Variants in MYO16 observed in about 807,000 individuals in gnomAD.
The protein encoded by MYO16 is unconventional myosin-XVI.
MYO16 carries 94 observed loss-of-function variants against 205.3 expected under a neutral mutation model. The ratio of observed to expected loss-of-function variants is 0.46; its 90% confidence interval spans 0.39 to 0.54. MYO16 has a LOEUF of 0.54. MYO16 is among the 20% of genes least tolerant of loss of function. The probability of loss-of-function intolerance (pLI) is 0.00; values close to 1 mark genes in which losing one functional copy is unlikely to be tolerated. For synonymous variants in MYO16, 988 were observed against 954.0 expected (o/e 1.04, Z -0.66); for missense variants, 2,315 against 2,387.5 (o/e 0.97, Z 0.63).
chr13:108,801,393 C>T (rs1886964918), intron 6 of MYO16, among the ~76,000 whole-genome samples: 1 of 152,196 alleles, frequency 6.6e-6, no homozygotes, highest in South Asian at 2.1e-4. Flanking sequence ...CTCTGCATGG[C>T]AGCATGCCAC....
At chr13:109,155,072 A>T (rs1566538028) in intron 32 of MYO16, among the ~76,000 whole-genome samples, 1 of 152,152 alleles carries the variant, frequency 6.6e-6, no homozygotes, top group Non-Finnish European at 1.5e-5. Flanking sequence ...TTTTCTGTGC[A>T]TTTTTGGGTA....
chr13:108,869,752 A>AG, intron 12 of MYO16, among the ~76,000 whole-genome samples: 1 of 148,540 alleles, frequency 6.7e-6, no homozygotes, highest in Non-Finnish European at 1.5e-5. Context: ...AAAAAAAAAA[A>AG]AAAAAAAAGA....
chr13:109,055,847 G>T lies in MYO16; in HGVS notation c.3335+252G>T. On this transcript the variant is annotated intron_variant, in intron 27 of 34. Transcript: ENST00000457511. The surrounding 1 kb of genome is among the most constrained non-coding windows in gnomAD (Gnocchi z 5.0). The stretch of plus-strand genomic sequence containing the variant: ...CATTCTCATGTTCCTTTCAAAGTGT[G>T]GCTTTCCTTGGATTAAAGTTTTGTA... 1 of 336,320 alleles carries T rather than the reference G, an allele frequency of 3.0e-6. No homozygotes were observed. The highest frequency in any genetic ancestry group is 5.4e-6 in the Non-Finnish European group (1 of 184,770). The allele number at this position is 336,320 out of a possible 1,614,324, so 20.8% of individuals were successfully genotyped here.
In MYO16 at chr13:109,055,326, C is replaced by G. The variant is rs891551772; in HGVS notation, c.3130-64C>G. ...GACGTAAAGACTTTTTATTTAAAAA[C>G]TGCTTTATATTTTTAGCTAGTGTCT... On this transcript the variant is annotated intron_variant, in intron 26 of 34. Transcript: ENST00000457511. The surrounding 1 kb of genome is among the most constrained non-coding windows in gnomAD (Gnocchi z 5.0). 2.2e-6 allele frequency: 3 copies of G among 1,345,316 alleles called. No individual in the cohort carries two copies. Among genetic ancestry groups the G allele is most frequent in the Non-Finnish European group, 3.1e-6 (3 of 971,848 alleles). The allele number at this position is 1,345,316 out of a possible 1,614,324, so 83.3% of individuals were successfully genotyped here. A position where few individuals can be genotyped will look rare whatever the true frequency, so the allele number is the denominator to read the frequency against.
the MYO16 span, among the ~76,000 whole-genome samples, chr13:108,562,512 A>G: frequency 7.2e-5 from 11 of 152,302 alleles, 1 homozygote; most frequent in Middle Eastern, 0.01. Context: ...TAAGGATGGC[A>G]TATTTATATA....
intron 4 of MYO16, among the ~76,000 whole-genome samples, chr13:108,772,227 TGC>T (rs1193463854): frequency 6.6e-6 from 1 of 152,036 alleles, no homozygotes; most frequent in Non-Finnish European, 1.5e-5. Flanking sequence ...AGCATGGTGG[TGC>T]ACACCTGTGG....
chr13:108,649,440 C>A (rs7328053), intron 1 of MYO16, among the ~76,000 whole-genome samples: 27,695 of 151,994 alleles, frequency 0.18, 3,854 homozygotes, highest in African/African-American at 0.38. Flanking sequence ...ATATGAGGTG[C>A]TTCTCCAGGG....
chr13:108,796,181 G>C (rs1178509919), intron 6 of MYO16, among the ~76,000 whole-genome samples: 1 of 152,212 alleles, frequency 6.6e-6, no homozygotes, highest in Non-Finnish European at 1.5e-5. Context: ...GGGAAGTTCA[G>C]AAGAGAGGAG....
At chr13:109,117,356 A>G (rs1019669250) in intron 28 of MYO16, among the ~76,000 whole-genome samples, 2 of 134,236 alleles carry the variant, frequency 1.5e-5, no homozygotes, top group African/African-American at 6.6e-5. Context: ...ATGCAAATAT[A>G]TATAATATGC....
intron 1 of MYO16, among the ~76,000 whole-genome samples, chr13:108,635,526 A>C (rs112114719): frequency 0.049 from 7,249 of 147,586 alleles, 239 homozygotes; most frequent in African/African-American, 0.086. Context: ...TTTTTGAGGG[A>C]GTCTCACTCT....
chr13:109,179,807 G>A (rs949419406), intron 34 of MYO16, among the ~76,000 whole-genome samples, 174 bp downstream of exon 34: 3 of 152,002 alleles, frequency 2.0e-5, no homozygotes, highest in African/African-American at 7.2e-5. Flanking sequence ...TCAGCTGACT[G>A]CAATTTTCTG....
chr13:108,570,760 A>G, the MYO16 span, among the ~76,000 whole-genome samples: 1 of 152,250 alleles, frequency 6.6e-6, no homozygotes, highest in Non-Finnish European at 1.5e-5. Flanking sequence ...TTAAAAGACT[A>G]CATTGAGATT....
chr13:109,163,076 C>T (rs1878461722), intron 32 of MYO16, among the ~76,000 whole-genome samples: 1 of 152,176 alleles, frequency 6.6e-6, no homozygotes, highest in Non-Finnish European at 1.5e-5. Flanking sequence ...TTAAACTCTT[C>T]TGCCTAGTTT....
chr13:108,837,112 C>T (rs1440598199), intron 9 of MYO16, among the ~76,000 whole-genome samples: 1 of 152,102 alleles, frequency 6.6e-6, no homozygotes, highest in Non-Finnish European at 1.5e-5. Flanking sequence ...GGGAGGGATC[C>T]AGTGGGAGGT....
intron 24 of MYO16, 82 bp from the exon 25 acceptor site, chr13:109,052,218 A>C: frequency 7.4e-4 from 823 of 1,106,300 alleles, no homozygotes; most frequent in Non-Finnish European, 1.0e-3. Flanking sequence ...ATCAGTGGCT[A>C]GAGCTCTTGT....
chr13:109,037,709 AAG>A (rs567489049), intron 23 of MYO16, among the ~76,000 whole-genome samples: 1 of 152,110 alleles, frequency 6.6e-6, no homozygotes, highest in South Asian at 2.1e-4. Context: ...GATAGGAAGA[AAG>A]AGCTAGAGAG....
chr13:108,506,404 T>C, the MYO16 span, among the ~76,000 whole-genome samples: 3 of 152,270 alleles, frequency 2.0e-5, no homozygotes, highest in South Asian at 6.2e-4. Context: ...TCCTAAGCAT[T>C]TTATTCTTTT....
chr13:108,510,425 A>AT, the MYO16 span, among the ~76,000 whole-genome samples: 80,396 of 97,008 alleles, frequency 0.83, 33,288 homozygotes, highest in East Asian at 0.88. Flanking sequence ...TAGATAGTTA[A>AT]TTTTTTTTTT....
intron 1 of MYO16, among the ~76,000 whole-genome samples, chr13:108,650,710 A>T (rs1310251886): frequency 6.6e-6 from 1 of 152,222 alleles, no homozygotes; most frequent in Non-Finnish European, 1.5e-5. Context: ...ATTCCAAAGC[A>T]TCATCCTCTC....
Sources: allele counts gnomAD v4.1 joint callset (sites outside exome capture counted in the v4.1 genomes callset), GRCh38; gene constraint gnomAD v4.1.1; non-coding constraint Gnocchi (gnomAD v3.1); transcripts MANE v1.5; gene names NCBI Gene and HGNC (gene_info 2026-07-23, HGNC 2026-07-21).